NKAIN2: variants seen among roughly 807,000 people sequenced by gnomAD.
NKAIN2 encodes the protein sodium/potassium transporting ATPase interacting 2, also known as sodium/potassium-transporting ATPase subunit beta-1-interacting protein 2.
Under a neutral mutation model 32.6 loss-of-function variants are expected in NKAIN2, and 14 were observed. That is an observed-to-expected ratio of 0.43 (90% CI 0.28 to 0.67). The LOEUF is 0.67. Among genes scored for constraint, NKAIN2 ranks in the 30% least tolerant of loss-of-function variants. NKAIN2 has a pLI of 0.17. For synonymous variants in NKAIN2, 80 were observed against 87.2 expected, an observed-to-expected ratio of 0.92 and a Z score of 0.46; for missense variants, 198 against 258.3, an observed-to-expected ratio of 0.77 and a Z score of 1.60.
At chr6:123,929,701 T>A (rs1436678307) in intron 1 of NKAIN2, among the ~76,000 whole-genome samples, 1 of 152,078 alleles carries the variant, frequency 6.6e-6, no homozygotes, top group Non-Finnish European at 1.5e-5. Context: ...AGAGCAAACA[T>A]CATGTTGTAG....
intron 1 of NKAIN2, among the ~76,000 whole-genome samples, chr6:124,186,209 A>AGAAG (rs141803052): frequency 6.7e-6 from 1 of 148,734 alleles, no homozygotes; most frequent in African/African-American, 2.5e-5. Context: ...AAAGAAGGAA[A>AGAAG]GAAGGAAGGA....
intron 4 of NKAIN2, among the ~76,000 whole-genome samples, chr6:124,774,582 A>G (rs146898856): frequency 4.6e-5 from 7 of 152,234 alleles, no homozygotes; most frequent in Non-Finnish European, 1.0e-4. Context: ...TTGGCTGGGC[A>G]CGGTGGCTCA....
intron 3 of NKAIN2, among the ~76,000 whole-genome samples, chr6:124,433,382 C>T (rs1219698523): frequency 1.3e-5 from 2 of 152,164 alleles, no homozygotes; most frequent in Non-Finnish European, 2.9e-5. Context: ...GGCATTGCTG[C>T]CCTTGGAGGG....
chr6:124,265,979 A>G (rs186689703), intron 1 of NKAIN2, among the ~76,000 whole-genome samples: 50 of 152,092 alleles, frequency 3.3e-4, no homozygotes, highest in African/African-American at 1.2e-3. Flanking sequence ...AAAACCCAAA[A>G]CTCCGAGATT....
At chr6:124,378,401 G>T in intron 3 of NKAIN2, among the ~76,000 whole-genome samples, 1 of 152,066 alleles carries the variant, frequency 6.6e-6, no homozygotes, top group East Asian at 1.9e-4. Flanking sequence ...AGCTTGCCCT[G>T]GGTTTTATAC....
chr6:123,911,810 T>TACACAC (rs1375455189), intron 1 of NKAIN2, among the ~76,000 whole-genome samples: 15 of 94,286 alleles, frequency 1.6e-4, no homozygotes, highest in African/African-American at 3.9e-4. Context: ...TGTATATATA[T>TACACAC]ATACACACAC....
intron 1 of NKAIN2, among the ~76,000 whole-genome samples, chr6:124,222,761 T>G (rs1199836824): frequency 6.6e-6 from 1 of 152,154 alleles, no homozygotes; most frequent in African/African-American, 2.4e-5. Flanking sequence ...GAAAAATGTG[T>G]TGCATGGCGG....
chr6:124,236,494 A>G (rs1210808661), intron 1 of NKAIN2, among the ~76,000 whole-genome samples: 1 of 152,170 alleles, frequency 6.6e-6, no homozygotes, highest in Non-Finnish European at 1.5e-5. Context: ...GATAGCACTG[A>G]ATTTTTCAAT....
chr6:124,546,145 G>C (rs914806869), intron 3 of NKAIN2, among the ~76,000 whole-genome samples: 1 of 152,098 alleles, frequency 6.6e-6, no homozygotes, highest in Non-Finnish European at 1.5e-5. Context: ...TTAACCTCAC[G>C]TACATTTCTG....
intron 1 of NKAIN2, among the ~76,000 whole-genome samples, chr6:124,094,093 A>G (rs1784546946): frequency 6.6e-6 from 1 of 152,148 alleles, no homozygotes; most frequent in African/African-American, 2.4e-5. Flanking sequence ...CAAAACAAAA[A>G]TAATGCAAGT....
At chr6:124,043,737 C>T (rs1382836890) in intron 1 of NKAIN2, among the ~76,000 whole-genome samples, 1 of 152,004 alleles carries the variant, frequency 6.6e-6, no homozygotes, top group Non-Finnish European at 1.5e-5. Context: ...GTCTTACATT[C>T]CTAGAATGCT....
chr6:123,820,322 A>G (rs1196393802), intron 1 of NKAIN2, among the ~76,000 whole-genome samples: 1 of 152,242 alleles, frequency 6.6e-6, no homozygotes, highest in African/African-American at 2.4e-5. Flanking sequence ...GTGTTTATAT[A>G]TAGGCAGTAG....
intron 1 of NKAIN2, among the ~76,000 whole-genome samples, chr6:124,238,410 G>A (rs1054826689): frequency 1.3e-5 from 2 of 152,152 alleles, no homozygotes; most frequent in African/African-American, 2.4e-5. Context: ...AGACAAGTAG[G>A]AAATGTGGGA....
chr6:124,494,254 A>G (rs1180962933), intron 3 of NKAIN2, among the ~76,000 whole-genome samples: 2 of 152,136 alleles, frequency 1.3e-5, no homozygotes, highest in African/African-American at 4.8e-5. Flanking sequence ...TGCCTGACAC[A>G]TATCAGATGC....
At chr6:124,516,164 T>C (rs1312871007) in intron 3 of NKAIN2, among the ~76,000 whole-genome samples, 1 of 152,126 alleles carries the variant, frequency 6.6e-6, no homozygotes, top group African/African-American at 2.4e-5. Flanking sequence ...AGACAGTAGA[T>C]AGTGTTCTAG....
chr6:123,937,869 T>C (rs1382908574), intron 1 of NKAIN2, among the ~76,000 whole-genome samples: 1 of 150,382 alleles, frequency 6.6e-6, no homozygotes, highest in Non-Finnish European at 1.5e-5. Flanking sequence ...TAGATGTCCA[T>C]GTGCTCCCTT....
chr6:124,353,858 A>G (rs1489350863), intron 2 of NKAIN2, among the ~76,000 whole-genome samples: 3 of 152,194 alleles, frequency 2.0e-5, no homozygotes. Flanking sequence ...ATCAACTGAA[A>G]CACATGGCTC....
At chr6:124,023,990 C>T (rs1388275902) in intron 1 of NKAIN2, among the ~76,000 whole-genome samples, 1 of 151,804 alleles carries the variant, frequency 6.6e-6, no homozygotes, top group Non-Finnish European at 1.5e-5. Flanking sequence ...ACAAAGCATC[C>T]TTAAGAATTG....
chr6:124,181,749 TCTC>T (rs1329803944), intron 1 of NKAIN2, among the ~76,000 whole-genome samples: 1 of 152,074 alleles, frequency 6.6e-6, no homozygotes, highest in Non-Finnish European at 1.5e-5. Flanking sequence ...AGGTTTCTCA[TCTC>T]CTTCTGAGAC....
Sources: gnomAD v4.1 joint callset for allele counts (sites outside exome capture counted in the v4.1 genomes callset) on GRCh38, gnomAD v4.1.1 for gene constraint, MANE v1.5 for transcripts, NCBI Gene and HGNC (gene_info 2026-07-23, HGNC 2026-07-21) for gene names.